The following MDN1 variants were observed in gnomAD, a reference collection of about 807,000 sequenced individuals.
MDN1 encodes the protein midasin AAA ATPase 1.
MDN1 carries 266 observed loss-of-function variants against 669.2 expected under a neutral mutation model. That is an observed-to-expected ratio of 0.40 (90% confidence interval 0.36 to 0.44). The LOEUF is 0.44. Ranked by LOEUF, MDN1 falls within the 20% of genes least tolerant of loss-of-function variation. The probability of loss-of-function intolerance (pLI) is 1.00; values close to 1 mark genes in which losing one functional copy is unlikely to be tolerated. For synonymous variants in MDN1, 2,385 were observed against 2,457.1 expected (o/e 0.97, Z 0.87); for missense variants, 5,940 against 6,754.0 (o/e 0.88, Z 4.22).
At chr6:89,791,875 ATTT>A (rs66492732) in intron 5 of MDN1, among the ~76,000 whole-genome samples, 9 of 114,020 alleles carry the variant, frequency 7.9e-5, no homozygotes, top group African/African-American at 6.9e-5. Flanking sequence ...AAAACTTTTA[ATTT>A]TTTTTTTTTT....
chr6:89,767,286 A>G (rs777033236), intron 15 of MDN1, among the ~76,000 whole-genome samples: 14 of 152,268 alleles, frequency 9.2e-5, no homozygotes, highest in Non-Finnish European at 1.6e-4. Context: ...GGAAAAAGAC[A>G]TATCATGCCA....
At chr6:89,708,467 C>T (rs372392742) in intron 51 of MDN1, 29 bp downstream of exon 51, 1 of 1,611,138 alleles carries the variant, frequency 6.2e-7, no homozygotes, top group East Asian at 2.2e-5. Flanking sequence ...GTGAGGCAAA[C>T]AGTGCCCAGA....
intron 70 of MDN1, among the ~76,000 whole-genome samples, 161 bp from the exon 71 acceptor site, chr6:89,685,146 G>A (rs1811920037): frequency 6.6e-6 from 1 of 152,018 alleles, no homozygotes; most frequent in African/African-American, 2.4e-5. Context: ...TCCTGTCTGA[G>A]TTTAGCATTT....
At chr6:89,650,399 T>A (rs991780564) in intron 96 of MDN1, among the ~76,000 whole-genome samples, 1 of 152,198 alleles carries the variant, frequency 6.6e-6, no homozygotes, top group Non-Finnish European at 1.5e-5. Context: ...GTGGCAATAA[T>A]AATTAGGTCC....
rs1810477756 is a variant in MDN1 at position 89,669,377 on chromosome 6, T to C, written c.13957-1226A>G. On this transcript the variant is annotated intron_variant, in intron 83 of 101. Transcript: ENST00000369393. The stretch of plus-strand genomic sequence containing the variant: ...GAAACCTGAGACTCATTCTTTTACT[T>C]ATTATTACTTTTTATTATTATTATT... 2.6e-5 allele frequency among the ~76,000 whole-genome samples: 4 copies of C among 152,188 alleles called. No individual in the cohort carries two copies. The South Asian group carries it at 8.3e-4, about 32-fold the overall frequency.
chr6:89,750,270 T>C (rs72915965), intron 24 of MDN1, 84 bp downstream of exon 24: 382 of 1,376,978 alleles, frequency 2.8e-4, no homozygotes, highest in Non-Finnish European at 3.5e-4. Flanking sequence ...TGTGCCTCAA[T>C]TGGAAAGGAT....
chr6:89,732,085 A>C (rs952351424), intron 34 of MDN1, among the ~76,000 whole-genome samples: 1 of 152,132 alleles, frequency 6.6e-6, no homozygotes, highest in Admixed American at 6.5e-5. Flanking sequence ...AACTTGCATC[A>C]AAAATAAAGG....
intron 15 of MDN1, among the ~76,000 whole-genome samples, chr6:89,763,638 A>C (rs1448508305): frequency 6.6e-6 from 1 of 152,210 alleles, no homozygotes; most frequent in African/African-American, 2.4e-5. Context: ...AGAATGAGAT[A>C]AATCTTATTT....
At chr6:89,756,697 T>C (rs920876614) in intron 19 of MDN1, among the ~76,000 whole-genome samples, 2 of 151,976 alleles carry the variant, frequency 1.3e-5, no homozygotes, top group African/African-American at 2.4e-5. Flanking sequence ...CCGAGGCCGG[T>C]GGATCACGAG....
intron 19 of MDN1, among the ~76,000 whole-genome samples, chr6:89,756,846 A>G (rs1817276516): frequency 6.6e-6 from 1 of 151,906 alleles, no homozygotes; most frequent in African/African-American, 2.4e-5. Context: ...GCGTGAACCC[A>G]GGAGGCAGAG....
At chr6:89,723,764 T>A (rs1413781575) in intron 38 of MDN1, 145 bp from the exon 39 acceptor site, 1 of 484,066 alleles carries the variant, frequency 2.1e-6, no homozygotes, top group Non-Finnish European at 3.5e-6. Context: ...GAAATTTCTT[T>A]TTTTGTGTTT....
At position 89,762,329 on chromosome 6, in the gene MDN1, G is replaced by A; in HGVS notation, c.2346C>T (p.Asp782=). ...GGGTCACATCCTTACCAGTTTCACT[G>A]TCTTTTCCATCCTTGTTAACAGCAG... ...HKSAVNKDGK[D]SETGLLIKEK... The change falls in exon 16 of 102, where the codon GAC becomes GAT. Residue 782 remains aspartate, a synonymous_variant. Transcript: ENST00000369393. 6.2e-7 allele frequency: 1 copy of A among 1,613,688 alleles called. No individual in the cohort carries two copies. Among genetic ancestry groups the A allele is most frequent in the East Asian group, 2.2e-5 (1 of 44,880 alleles).
At chr6:89,773,642 G>C (rs1360406464) in intron 13 of MDN1, among the ~76,000 whole-genome samples, 1 of 151,908 alleles carries the variant, frequency 6.6e-6, no homozygotes, top group Non-Finnish European at 1.5e-5. Flanking sequence ...TACAAGCCAA[G>C]GAACACCAAG....
Position 89,664,544 on chromosome 6 carries a change from T to G in MDN1, c.14179A>C (p.Ile4727Leu), listed in dbSNP as rs772950819. The G allele has an allele frequency of 1.5e-5, 24 of 1,614,080 alleles. No individual in the cohort carries two copies. In the Admixed American group the frequency reaches 4.0e-4, roughly 27 times the overall value. The change falls in exon 85 of 102, where the codon ATT becomes CTT. Residue 4727 changes from isoleucine to leucine, a missense_variant. Around this residue, in one of 5 missense-constraint regions of MDN1, gnomAD observed 2,280 missense variants for 2,576.3 expected, o/e 0.88. Transcript: ENST00000369393. ...CCATCAAAATCTTCCGACATCTCAA[T>G]GGCATTATCCTCGCCCTTAATATCA... ...KSDIKGEDNA[I>L]EMSEDFDGKM...
Position 89,745,333 on chromosome 6 carries a change from G to A in MDN1, c.4118C>T (p.Ala1373Val), listed in dbSNP as rs114919514. ...TTCCAATGCCCTTCCCACTAGCATCGCGAGTCTCCGCATGCCCTCAGTCCA... is the reference window on the plus strand; with the variant it reads ...TTCCAATGCCCTTCCCACTAGCATCACGAGTCTCCGCATGCCCTCAGTCCA... Reference protein sequence around the residue: ...IVWTEGMRRLAMLVGRALEFG... With the variant: ...IVWTEGMRRLVMLVGRALEFG... Residue 1373 changes from alanine (A) to valine (V), a missense_variant, in exon 29 of 102, where the codon GCG (alanine) becomes GTG (valine). Ala to Val is a moderately conservative substitution (Grantham distance 64). Around this residue, in one of 5 missense-constraint regions of MDN1, gnomAD observed 2,292 missense variants for 2,638.3 expected, o/e 0.87. Transcript: ENST00000369393. The A allele has an allele frequency of 1.1e-4, 184 of 1,613,866 alleles. No homozygotes were observed. In the East Asian group the frequency reaches 3.0e-3, roughly 26 times the overall value.
rs1206543159 is a variant in MDN1 at position 89,710,713 on chromosome 6, T to C, written c.7733A>G (p.Asn2578Ser). 1.3e-6 allele frequency: 2 copies of C among 1,599,080 alleles called. No individual in the cohort carries two copies. Among genetic ancestry groups the C allele is most frequent in the Admixed American group, 1.8e-5 (1 of 56,568 alleles). Residue 2578 changes from asparagine (N) to serine (S), a missense_variant, in exon 50 of 102, where the codon AAT becomes AGT. Around this residue, in one of 5 missense-constraint regions of MDN1, gnomAD observed 2,292 missense variants for 2,638.3 expected, o/e 0.87. Coordinates refer to ENST00000369393, the MANE Select transcript of MDN1 (RefSeq NM_014611.3). The part of the protein sequence containing the change: ...YSHSLSGAVS[N>S]VFKILQPNTT... Reference sequence around the variant, plus strand: ...ATTTGGTTGTAATATTTTGAAAACATTACTGACTGCACCTGAGAGGGAATG... The same window carrying C: ...ATTTGGTTGTAATATTTTGAAAACACTACTGACTGCACCTGAGAGGGAATG...
At position 89,671,043 on chromosome 6, in the gene MDN1, A is replaced by G; in HGVS notation, c.13832T>C (p.Val4611Ala). The G allele has an allele frequency of 1.9e-6, 3 of 1,614,116 alleles. No individual in the cohort carries two copies. Among genetic ancestry groups the G allele is most frequent in the Non-Finnish European group, 2.5e-6 (3 of 1,180,002 alleles). The change falls in exon 83 of 102, where the codon GTG (valine) becomes GCG (alanine). Residue 4611 changes from valine to alanine, a missense_variant. This residue lies in a region of MDN1 where 2,280 missense variants were observed against 2,576.3 expected (regional missense o/e 0.88). Transcript: ENST00000369393. ...GTCTGAGTAGCTGGAGAGGACCGGCACCAGGCGCACCAGCAAGGAACAGGA... is the reference window on the plus strand; with the variant it reads ...GTCTGAGTAGCTGGAGAGGACCGGCGCCAGGCGCACCAGCAAGGAACAGGA... ...SQSCSLLVRL[V>A]PVLSSYSDLV...
chr6:89,643,966 G>T lies in MDN1; in HGVS notation c.*39C>A. The T allele has an allele frequency of 2.6e-6, 4 of 1,511,830 alleles. No homozygotes were observed. In the South Asian group the frequency reaches 5.3e-5, roughly 20 times the overall value. The allele number at this position is 1,511,830 out of a possible 1,614,324, so 93.7% of individuals were successfully genotyped here. On this transcript the variant is annotated 3_prime_UTR_variant, in exon 102 of 102. Coordinates refer to ENST00000369393, the MANE Select transcript of MDN1 (RefSeq NM_014611.3). ...ACCTGGGTAAGCAATGTGACCTTCTGACCACAGTTAAGTCTCACTTTGGAC... is the reference window on the plus strand; with the variant it reads ...ACCTGGGTAAGCAATGTGACCTTCTTACCACAGTTAAGTCTCACTTTGGAC...
At chr6:89,661,410 C>T in intron 88 of MDN1, 21 bp downstream of exon 88, 2 of 1,607,942 alleles carry the variant, frequency 1.2e-6, no homozygotes, top group South Asian at 2.2e-5. Flanking sequence ...TAACCGGTCT[C>T]TTTGTTTCTG....
Sources: gnomAD v4.1 joint callset for allele counts (sites outside exome capture counted in the v4.1 genomes callset) on GRCh38, gnomAD v4.1.1 for gene constraint, gnomAD v4.1.1 regional missense constraint, MANE v1.5 for transcripts, NCBI Gene and HGNC (gene_info 2026-07-23, HGNC 2026-07-21) for gene names.